Variants in TTC7B observed in about 807,000 individuals in gnomAD.
TTC7B encodes the protein tetratricopeptide repeat protein 7B.
Under a neutral mutation model 106.8 loss-of-function variants are expected in TTC7B, and 28 were observed. The observed-to-expected ratio is 0.26, with a 90% confidence interval of 0.19 to 0.36. TTC7B has a LOEUF of 0.36. Among genes scored for constraint, TTC7B ranks in the 10% least tolerant of loss-of-function variants. The pLI is 1.00. For synonymous variants in TTC7B, 405 were observed against 430.6 expected, an observed-to-expected ratio of 0.94 and a Z score of 0.74; for missense variants, 862 against 1,076.4, an observed-to-expected ratio of 0.80 and a Z score of 2.79.
At chr14:90,555,416 G>T (rs941289784) in intron 19 of TTC7B, among the ~76,000 whole-genome samples, 19 of 152,216 alleles carry the variant, frequency 1.2e-4, no homozygotes, top group African/African-American at 4.6e-4. Flanking sequence ...GAAGGGGGGG[G>T]TGTTTGATGG....
Position 90,529,086 on chromosome 14 carries a change from T to G in TTC7B, c.*12282A>C, listed in dbSNP as rs1844634686. On this transcript the variant is annotated 3_prime_UTR_variant, in exon 20 of 20. Transcript: ENST00000328459. The stretch of plus-strand genomic sequence containing the variant: ...CCAATGGTGTGACCTGACTGCGCTT[T>G]GTTACCTGTTTCCGATGGTGTGACC... 1 of 155,210 alleles carries G rather than the reference T, an allele frequency of 6.4e-6. No individual in the cohort carries two copies. The allele number at this position is 155,210 out of a possible 1,614,324, so 9.6% of individuals were successfully genotyped here. A position where few individuals can be genotyped will look rare whatever the true frequency, so the allele number is the denominator to read the frequency against.
rs1348495557 is a variant in TTC7B at position 90,657,459 on chromosome 14, G to A, written c.1237-181C>T. ...GAGCCTGCGGCTTCTGAGTGACTGG[G>A]GAGTACACTGGGTTAAAAGCCAGCA... On this transcript the variant is annotated intron_variant, in intron 10 of 19. Transcript: ENST00000328459. The surrounding 1 kb of genome is among the most constrained non-coding windows in gnomAD (Gnocchi z 4.2). The A allele has an allele frequency of 3.6e-6, 2 of 551,838 alleles. No homozygotes were observed. Among genetic ancestry groups the A allele is most frequent in the Non-Finnish European group, 6.4e-6 (2 of 310,638 alleles). The allele number at this position is 551,838 out of a possible 1,614,324, so 34.2% of individuals were successfully genotyped here. A position where few individuals can be genotyped will look rare whatever the true frequency, so the allele number is the denominator to read the frequency against.
chr14:90,764,940 T>C (rs1478372559), intron 3 of TTC7B, among the ~76,000 whole-genome samples: 1 of 152,184 alleles, frequency 6.6e-6, no homozygotes. Flanking sequence ...CCCCTAAGTA[T>C]ACATCCAAGA....
At chr14:90,566,068 T>C (rs1890780429) in intron 19 of TTC7B, among the ~76,000 whole-genome samples, 1 of 152,100 alleles carries the variant, frequency 6.6e-6, no homozygotes. Context: ...ATGGCACTGA[T>C]AGACCAGGCA....
chr14:90,706,027 C>T (rs767230022), intron 5 of TTC7B, among the ~76,000 whole-genome samples: 2 of 152,206 alleles, frequency 1.3e-5, no homozygotes, highest in African/African-American at 4.8e-5. Context: ...TTTGGCAAGA[C>T]TTCAGCAGTG....
chr14:90,765,286 G>T (rs530839960), intron 3 of TTC7B, among the ~76,000 whole-genome samples: 1 of 152,282 alleles, frequency 6.6e-6, no homozygotes, highest in African/African-American at 2.4e-5. Flanking sequence ...ATTAGTGGTT[G>T]ACTAGGGCTA....
At chr14:90,726,395 A>G (rs1443126689) in intron 5 of TTC7B, among the ~76,000 whole-genome samples, 1 of 152,158 alleles carries the variant, frequency 6.6e-6, no homozygotes, top group Non-Finnish European at 1.5e-5. Flanking sequence ...GCCACTGTAA[A>G]GAAATGCCCT....
intron 5 of TTC7B, among the ~76,000 whole-genome samples, chr14:90,725,770 A>G (rs911170069): frequency 3.9e-5 from 6 of 152,208 alleles, no homozygotes; most frequent in Non-Finnish European, 5.9e-5. Context: ...GCATCAATTT[A>G]TCTCCACCCC....
Position 90,537,373 on chromosome 14 carries a change from T to TTGGG in TTC7B, c.*3994_*3995insCCCA, listed in dbSNP as rs1555372757. The TTGGG allele has an allele frequency of 3.7e-5, 2 of 54,422 alleles. No homozygotes were observed. The highest frequency in any genetic ancestry group is 1.2e-4 in the African/African-American group (2 of 16,116). 3.4% of individuals were successfully genotyped at this position (54,422 alleles called of 1,614,324 possible). A position where few individuals can be genotyped will look rare whatever the true frequency, so the allele number is the denominator to read the frequency against. On this transcript the variant is annotated 3_prime_UTR_variant, in exon 20 of 20. Coordinates refer to ENST00000328459, the MANE Select transcript of TTC7B (RefSeq NM_001010854.2). ...GGCTATTTTTTTTTTTTTGTAGAGA[T>TTGGG]GGGGGGGGGGTCTCACCATGTTGCC...
At chr14:90,788,036 G>T (rs1308000425) in intron 1 of TTC7B, among the ~76,000 whole-genome samples, 2 of 151,976 alleles carry the variant, frequency 1.3e-5, no homozygotes, top group Non-Finnish European at 2.9e-5. Context: ...ATGGTGGTGT[G>T]CACCTGTAAT....
intron 3 of TTC7B, among the ~76,000 whole-genome samples, chr14:90,753,325 T>C (rs1035654838): frequency 1.3e-5 from 2 of 152,226 alleles, no homozygotes; most frequent in Admixed American, 1.3e-4. Context: ...TTTATTATAA[T>C]GGTAAGTTTC....
At chr14:90,749,359 A>G (rs1242490627) in intron 3 of TTC7B, among the ~76,000 whole-genome samples, 2 of 151,246 alleles carry the variant, frequency 1.3e-5, no homozygotes, top group Non-Finnish European at 2.9e-5. Flanking sequence ...AAGTTGTCCT[A>G]CAGATCACTT....
At chr14:90,796,541 G>C (rs780617906) in intron 1 of TTC7B, among the ~76,000 whole-genome samples, 4 of 152,198 alleles carry the variant, frequency 2.6e-5, no homozygotes, top group Non-Finnish European at 4.4e-5. Context: ...TGTGGCCTTT[G>C]CCTCTGGAAG....
intron 9 of TTC7B, among the ~76,000 whole-genome samples, chr14:90,660,844 T>C (rs1566824015): frequency 6.6e-6 from 1 of 152,220 alleles, no homozygotes; most frequent in Admixed American, 6.5e-5. Context: ...AAAAGCAAAG[T>C]AATAAGCATT....
chr14:90,526,778 T>A lies in TTC7B; in HGVS notation c.*14590A>T, dbSNP rs1461624793. 6.6e-6 allele frequency: 1 copy of A among 152,284 alleles called. No homozygotes were observed. Among genetic ancestry groups the A allele is most frequent in the East Asian group, 1.9e-4 (1 of 5,202 alleles). The allele number at this position is 152,284 out of a possible 1,614,324, so 9.4% of individuals were successfully genotyped here. On this transcript the variant is annotated 3_prime_UTR_variant, in exon 20 of 20. Transcript: ENST00000328459. ...CTGCTGCCATGTGAAGAAGGACATGTTTGCCTCCCCTTCCTCCATGATTGT... is the reference window on the plus strand; with the variant it reads ...CTGCTGCCATGTGAAGAAGGACATGATTGCCTCCCCTTCCTCCATGATTGT...
chr14:90,553,584 C>T (rs999226919), intron 19 of TTC7B, among the ~76,000 whole-genome samples: 2 of 152,200 alleles, frequency 1.3e-5, no homozygotes, highest in African/African-American at 2.4e-5. Flanking sequence ...TCCTTTTCAT[C>T]GAATCCCCAC....
rs982789185 is a variant in TTC7B at position 90,525,822 on chromosome 14, T to A, written c.*15546A>T. ...TCTGGCTTTGTGACAAGCACGTCACTGTTAGGCTAAGCAGAGACTTTGGAA... is the reference window on the plus strand; with the variant it reads ...TCTGGCTTTGTGACAAGCACGTCACAGTTAGGCTAAGCAGAGACTTTGGAA... On this transcript the variant is annotated 3_prime_UTR_variant, in exon 20 of 20. Coordinates refer to ENST00000328459, the MANE Select transcript of TTC7B (RefSeq NM_001010854.2). 4 of 146,998 alleles carry A rather than the reference T, an allele frequency of 2.7e-5. No homozygotes were observed. Among genetic ancestry groups the A allele is most frequent in the Non-Finnish European group, 6.0e-5 (4 of 66,838 alleles). 9.1% of individuals were successfully genotyped at this position (146,998 alleles called of 1,614,324 possible). A position where few individuals can be genotyped will look rare whatever the true frequency, so the allele number is the denominator to read the frequency against.
intron 5 of TTC7B, among the ~76,000 whole-genome samples, chr14:90,709,755 A>C (rs1888364997): frequency 1.3e-5 from 2 of 152,056 alleles, no homozygotes; most frequent in Non-Finnish European, 2.9e-5. Flanking sequence ...CATAATTTGT[A>C]TCTTAAAGAG....
At position 90,541,359 on chromosome 14, in the gene TTC7B, G is replaced by T; in HGVS notation, c.*9C>A. On this transcript the variant is annotated 3_prime_UTR_variant, in exon 20 of 20. Coordinates refer to ENST00000328459, the MANE Select transcript of TTC7B (RefSeq NM_001010854.2). ...GCCTGAGCGGCAGGTGAGGCTGGCAGGCGCCTGCTCAGAGCACGCGGGGGA... is the reference window on the plus strand; with the variant it reads ...GCCTGAGCGGCAGGTGAGGCTGGCATGCGCCTGCTCAGAGCACGCGGGGGA... The T allele has an allele frequency of 6.4e-7, 1 of 1,574,250 alleles. No individual in the cohort carries two copies. The highest frequency in any genetic ancestry group is 1.2e-5 in the South Asian group (1 of 86,660).
Sources: allele counts gnomAD v4.1 joint callset (sites outside exome capture counted in the v4.1 genomes callset), GRCh38; gene constraint gnomAD v4.1.1; non-coding constraint Gnocchi (gnomAD v3.1); transcripts MANE v1.5; gene names NCBI Gene and HGNC (gene_info 2026-07-23, HGNC 2026-07-21).